EXOC6: variants seen among roughly 807,000 people sequenced by gnomAD.
EXOC6 encodes SEC15-like 1.
A neutral mutation model predicts 112.5 loss-of-function variants in EXOC6; 60 were observed. The observed-to-expected ratio is 0.53, with a 90% CI of 0.43 to 0.66. The LOEUF (loss-of-function observed/expected upper bound fraction) is 0.66. Ranked by LOEUF, EXOC6 falls within the 30% of genes least tolerant of loss-of-function variation. The pLI is 0.00. For synonymous variants in EXOC6, 295 were observed against 308.0 expected (o/e 0.96, Z 0.44); for missense variants, 855 against 957.1 (o/e 0.89, Z 1.41).
chr10:93,027,622 C>T (rs189015131), intron 20 of EXOC6, among the ~76,000 whole-genome samples: 18 of 152,336 alleles, frequency 1.2e-4, no homozygotes, highest in African/African-American at 4.3e-4. Flanking sequence ...ATTGTTACAT[C>T]TGCCTGTGCT....
At chr10:92,866,976 G>C (rs1848204972) in intron 1 of EXOC6, among the ~76,000 whole-genome samples, 3 of 152,082 alleles carry the variant, frequency 2.0e-5, no homozygotes, top group Non-Finnish European at 4.4e-5. Flanking sequence ...TTTCATTCAA[G>C]AGACTTTATA....
At chr10:92,827,785 G>C (rs1846410780) in intron 1 of EXOC6, among the ~76,000 whole-genome samples, 1 of 152,096 alleles carries the variant, frequency 6.6e-6, no homozygotes, top group South Asian at 2.1e-4. Flanking sequence ...CACCTTTGTT[G>C]CTCCTGATTT....
intron 20 of EXOC6, among the ~76,000 whole-genome samples, chr10:93,052,832 ATT>A (rs1846363513): frequency 1.3e-5 from 2 of 151,658 alleles, no homozygotes. Flanking sequence ...ATCTGGGGAG[ATT>A]TTTGTTTTTG....
intron 9 of EXOC6, among the ~76,000 whole-genome samples, chr10:92,929,755 CTTAG>C (rs1435114221): frequency 2.0e-5 from 3 of 152,144 alleles, no homozygotes; most frequent in African/African-American, 7.2e-5. Flanking sequence ...TGAATTCTCT[CTTAG>C]TTAATCTGAA....
chr10:92,992,412 C>CAGACATTT (rs1328244516), intron 18 of EXOC6, among the ~76,000 whole-genome samples: 1 of 151,388 alleles, frequency 6.6e-6, no homozygotes, highest in Non-Finnish European at 1.5e-5. Flanking sequence ...TATTGAGAAT[C>CAGACATTT]AGACATTTCA....
At chr10:92,963,430 A>T (rs1013877315) in intron 17 of EXOC6, among the ~76,000 whole-genome samples, 1 of 152,154 alleles carries the variant, frequency 6.6e-6, no homozygotes, top group Non-Finnish European at 1.5e-5. Context: ...TTTGTAATAG[A>T]ACATTTAGTA....
intron 1 of EXOC6, among the ~76,000 whole-genome samples, chr10:92,887,760 T>C (rs1849296944): frequency 6.6e-6 from 1 of 152,218 alleles, no homozygotes; most frequent in Admixed American, 6.5e-5. Context: ...GCTGCATTTA[T>C]TAAAATGACA....
rs1313589018 is a variant in EXOC6, at chr10:93,058,200, T to G, written c.2283-23T>G. ...GCTTTTAATTTTCTTTTACCAAGCT[T>G]CTTCATTCACATATGTTTCTAGGAT... On this transcript the variant is annotated intron_variant, in intron 21 of 21. Coordinates refer to ENST00000260762, the MANE Select transcript of EXOC6 (RefSeq NM_019053.6). 5 of 1,591,274 alleles carry G rather than the reference T, an allele frequency of 3.1e-6. No individual in the cohort carries two copies. In the Admixed American group the frequency reaches 7.6e-5, roughly 24 times the overall value.
At chr10:92,936,759 C>T (rs1442372762) in intron 12 of EXOC6, among the ~76,000 whole-genome samples, 1 of 152,148 alleles carries the variant, frequency 6.6e-6, no homozygotes, top group Non-Finnish European at 1.5e-5. Flanking sequence ...ATATTAGAAA[C>T]AATATTACGG....
upstream of EXOC6, among the ~76,000 whole-genome samples, chr10:92,844,071 A>T (rs1048927681): frequency 1.3e-5 from 2 of 150,746 alleles, no homozygotes; most frequent in Non-Finnish European, 3.0e-5. Flanking sequence ...GAATCACTTG[A>T]ACTTGGAGGG....
In EXOC6 at chr10:93,003,356, A is replaced by G. The variant is rs115304176; in HGVS notation, c.2095+5741A>G. Among the ~76,000 whole-genome samples the G allele has an allele frequency of 2.4e-3, 371 of 152,246 alleles. 2 individuals carry two copies. Among genetic ancestry groups the G allele is most frequent in the African/African-American group, 8.5e-3 (354 of 41,550 alleles). On this transcript the variant is annotated intron_variant, in intron 19 of 21. Coordinates refer to ENST00000260762, the MANE Select transcript of EXOC6 (RefSeq NM_019053.6). ...ATTCTATACCATCATTCAGCCATGT[A>G]CTTTTTGTTTTTGTTCGTTTTATTT...
At chr10:92,968,500 A>G (rs960025592) in intron 17 of EXOC6, among the ~76,000 whole-genome samples, 9 of 152,302 alleles carry the variant, frequency 5.9e-5, no homozygotes, top group African/African-American at 2.2e-4. Context: ...TTACATAAAA[A>G]AAATTCTGTT....
chr10:92,974,930 C>T, intron 18 of EXOC6, among the ~76,000 whole-genome samples: 1 of 152,204 alleles, frequency 6.6e-6, no homozygotes, highest in East Asian at 1.9e-4. Flanking sequence ...CTCCACCTCC[C>T]AGCCACCTGC....
At chr10:92,944,538 A>G (rs1045296184) in intron 13 of EXOC6, among the ~76,000 whole-genome samples, 6 of 151,438 alleles carry the variant, frequency 4.0e-5, no homozygotes, top group Admixed American at 1.3e-4. Flanking sequence ...GCCTGGCTTG[A>G]TACTGATTTT....
intron 20 of EXOC6, among the ~76,000 whole-genome samples, chr10:93,024,137 C>A (rs1053196452): frequency 5.3e-5 from 8 of 152,160 alleles, no homozygotes; most frequent in Non-Finnish European, 8.8e-5. Flanking sequence ...AAGTTACTTA[C>A]ACTGGCAAGA....
intron 1 of EXOC6, among the ~76,000 whole-genome samples, chr10:92,870,140 G>A (rs888382637): frequency 1.3e-5 from 2 of 151,884 alleles, no homozygotes; most frequent in African/African-American, 4.8e-5. Context: ...TTTTAGTAGA[G>A]ACAGGGTTTC....
At chr10:92,935,947 C>A in intron 12 of EXOC6, 62 bp downstream of exon 12, 1 of 1,040,640 alleles carries the variant, frequency 9.6e-7, no homozygotes, top group Non-Finnish European at 1.4e-6. Context: ...AAAATATAGG[C>A]TATACTCATT....
chr10:92,895,967 G>A (rs1223790043), intron 4 of EXOC6, among the ~76,000 whole-genome samples: 1 of 141,684 alleles, frequency 7.1e-6, no homozygotes, highest in African/African-American at 2.6e-5. Context: ...ATATTCAGCA[G>A]AATAGAATGA....
At chr10:92,918,674 T>C (rs1851255367) in intron 7 of EXOC6, among the ~76,000 whole-genome samples, 1 of 152,154 alleles carries the variant, frequency 6.6e-6, no homozygotes, top group Admixed American at 6.5e-5. Flanking sequence ...TCCTTCTGCT[T>C]TGGCCTCCTA....
Sources: gnomAD v4.1 joint callset for allele counts (sites outside exome capture counted in the v4.1 genomes callset) on GRCh38, gnomAD v4.1.1 for gene constraint, MANE v1.5 for transcripts, NCBI Gene and HGNC (gene_info 2026-07-23, HGNC 2026-07-21) for gene names.